RALGAPA2: variants seen among roughly 807,000 people sequenced by gnomAD.
RALGAPA2 encodes Ral GTPase activating protein catalytic subunit alpha 2.
Under a neutral mutation model 230.4 loss-of-function variants are expected in RALGAPA2, and 139 were observed. That is an observed-to-expected ratio of 0.60 (90% CI 0.53 to 0.69). The LOEUF (loss-of-function observed/expected upper bound fraction) is 0.69, where lower values mean the gene tolerates loss of function less well. RALGAPA2 is among the 30% of genes least tolerant of loss of function. RALGAPA2 has a pLI of 0.00. For synonymous variants in RALGAPA2, 847 were observed against 837.8 expected, an observed-to-expected ratio of 1.01 and a Z score of -0.19; for missense variants, 2,163 against 2,276.0, an observed-to-expected ratio of 0.95 and a Z score of 1.01.
At position 20,583,124 on chromosome 20, in the gene RALGAPA2, G is replaced by A. The variant is rs1011037419; in HGVS notation, c.2633C>T (p.Pro878Leu). 6.2e-7 allele frequency: 1 copy of A among 1,613,712 alleles called. No individual in the cohort carries two copies. The highest frequency in any genetic ancestry group is 8.5e-7 in the Non-Finnish European group (1 of 1,179,732). The change falls in exon 20 of 40, where the codon CCC becomes CTC. Residue 878 changes from proline to leucine, a missense_variant. Pro to Leu is a moderately conservative substitution (Grantham distance 98). Coordinates refer to ENST00000202677, the MANE Select transcript of RALGAPA2 (RefSeq NM_020343.4). ...TCEEDPELNT[P>L]TDVVADADAR... is the part of the protein sequence containing the mutation. ...ATCAGCATCAGCCACAACATCTGTG[G>A]GAGTATTCAGTTCTGGGTCTTCCTC... is the stretch of plus-strand genomic sequence containing the variant.
intron 16 of RALGAPA2, among the ~76,000 whole-genome samples, chr20:20,598,245 T>C (rs998373862): frequency 6.6e-6 from 1 of 152,228 alleles, no homozygotes; most frequent in Non-Finnish European, 1.5e-5. Context: ...ATATGATTTA[T>C]TAACTCCAAG....
intron 1 of RALGAPA2, among the ~76,000 whole-genome samples, chr20:20,686,027 CACCA>C (rs1399912884): frequency 6.6e-6 from 1 of 152,058 alleles, no homozygotes; most frequent in African/African-American, 2.4e-5. Context: ...TTTCCTGCAC[CACCA>C]ACCAAAGATA....
At chr20:20,505,363 C>T in intron 34 of RALGAPA2, 48 bp downstream of exon 34, 1 of 1,528,494 alleles carries the variant, frequency 6.5e-7, no homozygotes, top group Non-Finnish European at 8.8e-7. Flanking sequence ...TTGGACACAT[C>T]TTTAAACAGT....
intron 3 of RALGAPA2, among the ~76,000 whole-genome samples, chr20:20,664,691 T>A (rs1055686630): frequency 6.6e-6 from 1 of 152,188 alleles, no homozygotes; most frequent in South Asian, 2.1e-4. Flanking sequence ...TTTTATGCCA[T>A]GTTTTAGGGG....
intron 38 of RALGAPA2, among the ~76,000 whole-genome samples, chr20:20,403,085 G>A (rs753021425): frequency 2.0e-5 from 3 of 151,818 alleles, no homozygotes; most frequent in Non-Finnish European, 4.4e-5. Context: ...TTTAAAGTGC[G>A]CCCCCACCCC....
Position 20,712,332 on chromosome 20 carries a change from C to T in RALGAPA2, c.106+43G>A. ...GAGGAGCGCCCTCCCGGCAGGTGCC[C>T]CTAACCCGGCGCCCCGACCCCCGCG... On this transcript the variant is annotated intron_variant, in intron 1 of 39. Transcript: ENST00000202677. This position sits in a 1 kb window ranked among gnomAD's most constrained non-coding sequence, Gnocchi z 5.5. 6.5e-7 allele frequency: 1 copy of T among 1,541,138 alleles called. No homozygotes were observed. Among genetic ancestry groups the T allele is most frequent in the Non-Finnish European group, 8.8e-7 (1 of 1,141,968 alleles).
rs559504401 is a variant in RALGAPA2, at chr20:20,627,706, G to A, written c.1233+1657C>T. Reference sequence around the variant, plus strand: ...CTTGAAGCTGTGCTCAGGTGTAACCGGCCTCTGTAGCATTGCATTATGCTT... The same window carrying A: ...CTTGAAGCTGTGCTCAGGTGTAACCAGCCTCTGTAGCATTGCATTATGCTT... On this transcript the variant is annotated intron_variant, in intron 10 of 39. Transcript: ENST00000202677. Among the ~76,000 whole-genome samples, 8 of 152,320 alleles carry A rather than the reference G, an allele frequency of 5.3e-5. No individual in the cohort carries two copies. In the South Asian group the frequency reaches 1.0e-3, roughly 20 times the overall value.
At chr20:20,655,816 A>C (rs1431726589) in intron 3 of RALGAPA2, among the ~76,000 whole-genome samples, 1 of 152,222 alleles carries the variant, frequency 6.6e-6, no homozygotes, top group African/African-American at 2.4e-5. Flanking sequence ...AGTGATATGC[A>C]GGAGATAAAA....
At chr20:20,499,334 A>G (rs913778704) in intron 35 of RALGAPA2, among the ~76,000 whole-genome samples, 2 of 152,186 alleles carry the variant, frequency 1.3e-5, no homozygotes, top group Non-Finnish European at 2.9e-5. Context: ...AAAAAAGAAA[A>G]AACAGTCCTA....
Position 20,513,121 on chromosome 20 carries a change from C to G in RALGAPA2, c.4248G>C (p.Leu1416=). The change falls in exon 32 of 40, where the codon CTG becomes CTC. Residue 1416 remains leucine (L), a synonymous_variant. Coordinates refer to ENST00000202677, the MANE Select transcript of RALGAPA2 (RefSeq NM_020343.4). ...TTGGACTTCTGAACACCTCAAAGGA[C>G]AGCTCGGAGCCTTCCACATGGGCAT... ...HDNAHVEGSE[L]SFEVFRSPNL... is the part of the protein sequence containing the mutation. The G allele has an allele frequency of 6.4e-7, 1 of 1,572,490 alleles. No homozygotes were observed. The highest frequency in any genetic ancestry group is 8.6e-7 in the Non-Finnish European group (1 of 1,162,608).
At chr20:20,550,912 T>A (rs1337835064) in intron 23 of RALGAPA2, among the ~76,000 whole-genome samples, 1 of 152,238 alleles carries the variant, frequency 6.6e-6, no homozygotes, top group Admixed American at 6.5e-5. Context: ...GTGTAGTTTG[T>A]ATAATTCAGT....
Position 20,571,519 on chromosome 20 carries a change from T to C in RALGAPA2, c.3095A>G (p.Asn1032Ser). 1 of 1,612,868 alleles carries C rather than the reference T, an allele frequency of 6.2e-7. No individual in the cohort carries two copies. The highest frequency in any genetic ancestry group is 8.5e-7 in the Non-Finnish European group (1 of 1,179,564). Residue 1032 changes from asparagine (N) to serine (S), a missense_variant, in exon 23 of 40, where the codon AAC (asparagine) becomes AGC (serine). Physicochemically the swap from Asn to Ser is conservative, Grantham distance 46. Transcript: ENST00000202677. ...GTAAAAATGCACCAGGAAATCTGAG[T>C]TTGGCAGAACGTCCTGGCGTCTGGT... ...MMTRRQDVLP[N>S]SDFLVHFYLV...
intron 14 of RALGAPA2, among the ~76,000 whole-genome samples, chr20:20,608,626 G>A (rs1007955601): frequency 1.3e-5 from 2 of 152,196 alleles, no homozygotes; most frequent in African/African-American, 4.8e-5. Context: ...ATTTTAGACA[G>A]TCCACATGAT....
intron 23 of RALGAPA2, among the ~76,000 whole-genome samples, chr20:20,551,385 T>C (rs903690688): frequency 4.6e-5 from 7 of 152,222 alleles, no homozygotes; most frequent in Non-Finnish European, 1.0e-4. Context: ...TCCTGCAAAA[T>C]GTTGCAATAT....
intron 12 of RALGAPA2, among the ~76,000 whole-genome samples, chr20:20,618,082 A>G (rs2066205515): frequency 6.6e-6 from 1 of 152,226 alleles, no homozygotes; most frequent in South Asian, 2.1e-4. Flanking sequence ...CATGTTACTC[A>G]AAGACCTGCT....
intron 10 of RALGAPA2, among the ~76,000 whole-genome samples, chr20:20,627,129 T>C (rs950182797): frequency 1.2e-4 from 19 of 152,038 alleles, no homozygotes; most frequent in Admixed American, 3.3e-4. Context: ...CAGTACTACC[T>C]AGAAAGGGAT....
chr20:20,664,146 T>C (rs963389637), intron 3 of RALGAPA2, among the ~76,000 whole-genome samples: 2 of 152,232 alleles, frequency 1.3e-5, no homozygotes. Context: ...TTCCATTTAA[T>C]GTTTTTGGAC....
chr20:20,696,171 C>T (rs1005206419), intron 1 of RALGAPA2, among the ~76,000 whole-genome samples: 13 of 152,326 alleles, frequency 8.5e-5, no homozygotes, highest in African/African-American at 2.4e-4. Flanking sequence ...CTCATCACTA[C>T]TCGCTGCTGC....
rs1304873793 is a variant in RALGAPA2, at chr20:20,530,254, C to T, written c.3582+1433G>A. 3.9e-5 allele frequency among the ~76,000 whole-genome samples: 6 copies of T among 152,162 alleles called. No individual in the cohort carries two copies. In the East Asian group the frequency reaches 1.2e-3, roughly 29 times the overall value. On this transcript the variant is annotated intron_variant, in intron 27 of 39. Transcript: ENST00000202677. ...CATTTCCCCTCACAGGGCAGCTCTGCGGATTAAACTTGCCTACAAAGGTCA... is the reference window on the plus strand; with the variant it reads ...CATTTCCCCTCACAGGGCAGCTCTGTGGATTAAACTTGCCTACAAAGGTCA...
Sources: gnomAD v4.1 joint callset for allele counts (sites outside exome capture counted in the v4.1 genomes callset) on GRCh38, gnomAD v4.1.1 for gene constraint, Gnocchi (gnomAD v3.1) non-coding constraint, MANE v1.5 for transcripts, NCBI Gene and HGNC (gene_info 2026-07-23, HGNC 2026-07-21) for gene names.